CDK13: variants seen among roughly 807,000 people sequenced by gnomAD.
CDK13 encodes the protein cyclin-dependent kinase 13.
In CDK13, 40 loss-of-function variants were observed where a neutral mutation model predicts 137.6. The ratio of observed to expected loss-of-function variants is 0.29; its 90% CI spans 0.23 to 0.38. The LOEUF is 0.38. Ranked by LOEUF, CDK13 falls within the 10% of genes least tolerant of loss-of-function variation. The pLI, the probability that CDK13 is intolerant of heterozygous loss-of-function variation, is 1.00. For missense variants in CDK13, 1,704 were observed against 1,951.8 expected (o/e 0.87, Z 2.39); for synonymous variants, 869 against 760.1 (o/e 1.14, Z -2.36).
In CDK13 at chr7:40,098,221, CCTATTTGTAAGAAATATCAAGA is replaced by C. The variant is rs1411972729; in HGVS notation, c.*3244_*3265del. On this transcript the variant is annotated 3_prime_UTR_variant, in exon 14 of 14. Coordinates refer to ENST00000181839, the MANE Select transcript of CDK13 (RefSeq NM_003718.5). ...GTTGAATCTGGTCAGTTTGCAATGG[CCTATTTGTAAGAAATATCAAGA>C]CTTCTTGAGAAAAATGAAAAGTGAA... 1 of 151,876 alleles carries C rather than the reference CCTATTTGTAAGAAATATCAAGA, an allele frequency of 6.6e-6. No individual in the cohort carries two copies. The highest frequency in any genetic ancestry group is 2.4e-5 in the African/African-American group (1 of 41,344). The allele number at this position is 151,876 out of a possible 1,614,324, so 9.4% of individuals were successfully genotyped here. A position where few individuals can be genotyped will look rare whatever the true frequency, so the allele number is the denominator to read the frequency against.
Position 39,950,571 on chromosome 7 carries a change from G to T in CDK13, c.-71G>T, listed in dbSNP as rs1787116691. ...CTCCGCCGCCGCTCCCGTTTCCGGC[G>T]GGGGAGATGGCCAGGATCTGACCCG... On this transcript the variant is annotated 5_prime_UTR_variant, in exon 1 of 14. Transcript: ENST00000181839. 5.5e-6 allele frequency: 7 copies of T among 1,270,654 alleles called. No individual in the cohort carries two copies. Among genetic ancestry groups the T allele is most frequent in the Non-Finnish European group, 6.9e-6 (7 of 1,008,580 alleles). 78.7% of individuals were successfully genotyped at this position (1,270,654 alleles called of 1,614,324 possible). A position where few individuals can be genotyped will look rare whatever the true frequency, so the allele number is the denominator to read the frequency against.
chr7:40,092,668 T>C, intron 12 of CDK13, 117 bp from the exon 13 acceptor site: 1 of 692,858 alleles, frequency 1.4e-6, no homozygotes, highest in Non-Finnish European at 2.4e-6. Context: ...TTACAGTATT[T>C]CTTAAATACT....
intron 9 of CDK13, among the ~76,000 whole-genome samples, chr7:40,063,720 T>C (rs1284127114): frequency 6.6e-6 from 1 of 151,916 alleles, no homozygotes; most frequent in Non-Finnish European, 1.5e-5. Context: ...TGCAGTGGCA[T>C]GATCTCCACT....
At chr7:40,069,376 AG>A (rs1415106960) in intron 9 of CDK13, 3 of 451,004 alleles carry the variant, frequency 6.7e-6, no homozygotes, top group African/African-American at 6.0e-5. Context: ...TATACCGAAA[AG>A]TGTGTGGCCT....
In CDK13 at chr7:40,094,468, T is replaced by C. The variant is rs771582612; in HGVS notation, c.4027T>C (p.Ser1343Pro). ...SDYKDNFGSS[S>P]FSSAPYVSND... ...CTACAAGGACAACTTTGGATCCTCT[T>C]CTTTCTCTTCTGCTCCTTATGTTAG... Residue 1343 changes from serine (S) to proline (P), a missense_variant, in exon 14 of 14, where the codon TCT (serine) becomes CCT (proline). By Grantham distance (74) the Ser-to-Pro change is moderately conservative. This residue lies in a region of CDK13 where 475 missense variants were observed against 579.3 expected (regional missense o/e 0.82). Coordinates refer to ENST00000181839, the MANE Select transcript of CDK13 (RefSeq NM_003718.5). 6.2e-7 allele frequency: 1 copy of C among 1,613,798 alleles called. No individual in the cohort carries two copies. The highest frequency in any genetic ancestry group is 8.5e-7 in the Non-Finnish European group (1 of 1,180,016).
At chr7:39,958,598 C>G (rs1346875155) in intron 1 of CDK13, among the ~76,000 whole-genome samples, 1 of 152,106 alleles carries the variant, frequency 6.6e-6, no homozygotes, top group African/African-American at 2.4e-5. Flanking sequence ...CTCCACAGTA[C>G]AGCATACCAT....
In CDK13 at chr7:39,950,593, C is replaced by T; in HGVS notation, c.-49C>T. 2 of 1,293,918 alleles carry T rather than the reference C, an allele frequency of 1.5e-6. No homozygotes were observed. The highest frequency in any genetic ancestry group is 2.0e-6 in the Non-Finnish European group (2 of 1,021,854). 80.2% of individuals were successfully genotyped at this position (1,293,918 alleles called of 1,614,324 possible). On this transcript the variant is annotated 5_prime_UTR_variant, in exon 1 of 14. Transcript: ENST00000181839. ...GGCGGGGGAGATGGCCAGGATCTGA[C>T]CCGGGAGGAGGCCGCACCCGCGCCG...
At chr7:39,970,546 C>T (rs368081381) in intron 1 of CDK13, among the ~76,000 whole-genome samples, 6 of 151,876 alleles carry the variant, frequency 4.0e-5, no homozygotes, top group South Asian at 2.1e-4. Context: ...CTGCAACCTC[C>T]GCCTCCCAGG....
intron 5 of CDK13, among the ~76,000 whole-genome samples, chr7:40,026,266 T>C (rs1168242907): frequency 2.6e-5 from 4 of 152,216 alleles, no homozygotes; most frequent in South Asian, 4.1e-4. Context: ...CCCAGCACTT[T>C]GGGAGGCCAA....
intron 5 of CDK13, among the ~76,000 whole-genome samples, chr7:40,019,927 A>G (rs1276099806): frequency 6.6e-6 from 1 of 152,186 alleles, no homozygotes; most frequent in Non-Finnish European, 1.5e-5. Context: ...ACGCTCAAGA[A>G]TTTGGATAAC....
intron 5 of CDK13, among the ~76,000 whole-genome samples, chr7:40,022,239 T>C (rs892967689): frequency 6.6e-6 from 1 of 152,228 alleles, no homozygotes; most frequent in African/African-American, 2.4e-5. Flanking sequence ...CAGATCTTTC[T>C]CTTTTGCCAT....
Position 39,951,750 on chromosome 7 carries a change from A to G in CDK13, c.1109A>G (p.Tyr370Cys), listed in dbSNP as rs1787224036. 2 of 1,490,970 alleles carry G rather than the reference A, an allele frequency of 1.3e-6. No individual in the cohort carries two copies. Among genetic ancestry groups the G allele is most frequent in the Non-Finnish European group, 1.8e-6 (2 of 1,132,422 alleles). The allele number at this position is 1,490,970 out of a possible 1,614,324, so 92.4% of individuals were successfully genotyped here. A position where few individuals can be genotyped will look rare whatever the true frequency, so the allele number is the denominator to read the frequency against. ...SPYSRRRSPS[Y>C]SRHSSYERGG... is the part of the protein sequence containing the mutation. ...TACAGTCGCCGCCGCTCCCCCAGCT[A>G]CAGCCGCCACAGCTCCTACGAGCGG... Residue 370 changes from tyrosine to cysteine, a missense_variant, in exon 1 of 14, where the codon TAC becomes TGC. Physicochemically the swap from Tyr to Cys is radical, Grantham distance 194. Transcript: ENST00000181839.
rs750425667 is a variant in CDK13, at chr7:40,062,893, C to A, written c.2668C>A (p.Arg890=). 5 of 1,613,538 alleles carry A rather than the reference C, an allele frequency of 3.1e-6. No individual in the cohort carries two copies. In the Admixed American group the frequency reaches 8.3e-5, roughly 27 times the overall value. The change falls in exon 8 of 14, where the codon CGA becomes AGA. Residue 890 remains arginine, a synonymous_variant. Transcript: ENST00000181839. ...ACCTGAACTGCTACTGGGAGAAGAA[C>A]GATACACACCAGCCATTGATGTATG... is the stretch of plus-strand genomic sequence containing the variant. ...RPPELLLGEE[R]YTPAIDVWSC...
At chr7:40,089,028 G>A (rs1483037728) in intron 12 of CDK13, among the ~76,000 whole-genome samples, 6 of 151,854 alleles carry the variant, frequency 4.0e-5, no homozygotes, top group Non-Finnish European at 5.9e-5. Context: ...GCAGTGAGCC[G>A]AGATTGCGCC....
At chr7:39,993,897 A>G (rs1784511586) in intron 2 of CDK13, among the ~76,000 whole-genome samples, 1 of 152,122 alleles carries the variant, frequency 6.6e-6, no homozygotes, top group Admixed American at 6.5e-5. Context: ...ATGCACCCAG[A>G]TGTATGAAAT....
intron 7 of CDK13, among the ~76,000 whole-genome samples, chr7:40,058,784 G>C (rs957963776): frequency 1.9e-4 from 29 of 152,236 alleles, no homozygotes; most frequent in African/African-American, 7.0e-4. Context: ...CTGGGTAGGT[G>C]TTAGAAAATA....
chr7:40,076,413 A>G (rs1202101883), intron 9 of CDK13, among the ~76,000 whole-genome samples: 1 of 152,200 alleles, frequency 6.6e-6, no homozygotes, highest in Non-Finnish European at 1.5e-5. Flanking sequence ...TATAGAATTT[A>G]GGGAGAAGGA....
chr7:39,978,293 G>A (rs1165020825), intron 1 of CDK13, among the ~76,000 whole-genome samples: 2 of 152,228 alleles, frequency 1.3e-5, no homozygotes, highest in Non-Finnish European at 2.9e-5. Flanking sequence ...AATAATTGCA[G>A]CAGAGAGAGA....
rs1269231572 is a variant in CDK13, at chr7:40,002,036, G to A, written c.2353+5G>A. ...TGGATTTCAAGAAGGACAAAGGTATGTGTGCATATTTAAATAACGAATTTT... is the reference window on the plus strand; with the variant it reads ...TGGATTTCAAGAAGGACAAAGGTATATGTGCATATTTAAATAACGAATTTT... On this transcript the variant is annotated splice_donor_5th_base_variant and intron_variant, in intron 5 of 13. Coordinates refer to ENST00000181839, the MANE Select transcript of CDK13 (RefSeq NM_003718.5). 6.3e-7 allele frequency: 1 copy of A among 1,580,574 alleles called. No individual in the cohort carries two copies. Among genetic ancestry groups the A allele is most frequent in the Non-Finnish European group, 8.6e-7 (1 of 1,167,268 alleles).
Sources: allele counts gnomAD v4.1 joint callset (sites outside exome capture counted in the v4.1 genomes callset), GRCh38; gene constraint gnomAD v4.1.1; regional missense constraint gnomAD v4.1.1; transcripts MANE v1.5; gene names NCBI Gene and HGNC (gene_info 2026-07-23, HGNC 2026-07-21).